Variants in MOCOS observed in about 807,000 individuals in gnomAD.
MOCOS encodes the protein molybdenum cofactor sulfurase.
MOCOS carries 86 observed loss-of-function variants against 83.6 expected under a neutral mutation model. The ratio of observed to expected loss-of-function variants is 1.03; its 90% confidence interval spans 0.86 to 1.23. The LOEUF is 1.23. MOCOS is among the 50% of genes most tolerant of loss of function. The pLI is 0.00. For missense variants in MOCOS, 1,120 were observed against 1,126.9 expected (o/e 0.99, Z 0.09); for synonymous variants, 445 against 434.7 (o/e 1.02, Z -0.29).
At chr18:36,227,661 A>G (rs2091522963) in intron 9 of MOCOS, among the ~76,000 whole-genome samples, 1 of 152,028 alleles carries the variant, frequency 6.6e-6, no homozygotes, top group Non-Finnish European at 1.5e-5. Context: ...CTCCCAAAGT[A>G]TGGGGATTAT....
intron 9 of MOCOS, among the ~76,000 whole-genome samples, chr18:36,223,371 G>A (rs1261283428): frequency 6.6e-6 from 1 of 152,106 alleles, no homozygotes; most frequent in Non-Finnish European, 1.5e-5. Context: ...GTGTTTTCTT[G>A]ACACCCTTTC....
rs777753776 is a variant in MOCOS, at chr18:36,260,155, A to G, written c.2389A>G (p.Ile797Val). 4 of 1,614,172 alleles carry G rather than the reference A, an allele frequency of 2.5e-6. No individual in the cohort carries two copies. Among genetic ancestry groups the G allele is most frequent in the Non-Finnish European group, 8.5e-7 (1 of 1,180,020 alleles). Residue 797 changes from isoleucine (I) to valine (V), a missense_variant, in exon 13 of 15, where the codon ATT becomes GTT. By Grantham distance (29) the Ile-to-Val change is conservative. Coordinates refer to ENST00000261326, the MANE Select transcript of MOCOS (RefSeq NM_017947.4). ...FEEEKWDEIS[I>V]GSLRFQVLGP... is the part of the protein sequence containing the mutation. Reference sequence around the variant, plus strand: ...AGAAGAGAAATGGGATGAGATTTCAATTGGCTCTTTGCGTTTCCAGGTAAG... The same window carrying G: ...AGAAGAGAAATGGGATGAGATTTCAGTTGGCTCTTTGCGTTTCCAGGTAAG...
intron 5 of MOCOS, among the ~76,000 whole-genome samples, chr18:36,204,464 A>T (rs1340588497): frequency 1.3e-5 from 2 of 152,230 alleles, no homozygotes; most frequent in African/African-American, 4.8e-5. Flanking sequence ...ATATGTTTAG[A>T]GGAAAAAACA....
In MOCOS at chr18:36,205,132, G is replaced by T. The variant is rs771690594; in HGVS notation, c.1074G>T (p.Val358=). The T allele has an allele frequency of 1.2e-6, 2 of 1,613,498 alleles. No individual in the cohort carries two copies. The highest frequency in any genetic ancestry group is 1.7e-6 in the Non-Finnish European group (2 of 1,179,740). The change falls in exon 6 of 15, where the codon GTG becomes GTT. Residue 358 remains valine, a synonymous_variant. Coordinates refer to ENST00000261326, the MANE Select transcript of MOCOS (RefSeq NM_017947.4). ...HTFTLAQYTY[V]ALSSLQYPNG... Reference sequence around the variant, plus strand: ...TCACCTTGGCTCAGTATACCTACGTGGCCCTGTCCTCTCTCCAGTACCCCA... The same window carrying T: ...TCACCTTGGCTCAGTATACCTACGTTGCCCTGTCCTCTCTCCAGTACCCCA...
In MOCOS at chr18:36,187,786, G is replaced by A. The variant is rs4267398; in HGVS notation, c.142+105G>A. On this transcript the variant is annotated intron_variant, in intron 1 of 14. Transcript: ENST00000261326. Reference sequence around the variant, plus strand: ...GCGCTACCTCATTCGGGCGCATTTTGAATCGAAACTCCAGGAGGGACGTGT... The same window carrying A: ...GCGCTACCTCATTCGGGCGCATTTTAAATCGAAACTCCAGGAGGGACGTGT... The A allele has an allele frequency of 0.32, 384,435 of 1,197,382 alleles. 62,985 individuals carry two copies. Among genetic ancestry groups the A allele is most frequent in the Non-Finnish European group, 0.34 (322,996 of 956,548 alleles). The allele number at this position is 1,197,382 out of a possible 1,614,324, so 74.2% of individuals were successfully genotyped here. A position where few individuals can be genotyped will look rare whatever the true frequency, so the allele number is the denominator to read the frequency against.
chr18:36,227,959 A>G (rs1369953287), intron 9 of MOCOS, among the ~76,000 whole-genome samples: 1 of 152,262 alleles, frequency 6.6e-6, no homozygotes, highest in African/African-American at 2.4e-5. Context: ...TCTAATATCC[A>G]GCATCTATAA....
chr18:36,224,217 A>T (rs952059526), intron 9 of MOCOS, among the ~76,000 whole-genome samples: 1 of 152,138 alleles, frequency 6.6e-6, no homozygotes, highest in Non-Finnish European at 1.5e-5. Flanking sequence ...AATATATAAG[A>T]TCATGTTTTT....
chr18:36,192,594 G>C lies in MOCOS; in HGVS notation c.143-2663G>C, dbSNP rs906880985. On this transcript the variant is annotated intron_variant, in intron 1 of 14. Coordinates refer to ENST00000261326, the MANE Select transcript of MOCOS (RefSeq NM_017947.4). ...GCTGCCTTTTTGCAGAAGTTGACAA[G>C]CTGATTCTAAAATTTATATAGAAAT... Among the ~76,000 whole-genome samples the C allele has an allele frequency of 2.0e-5, 3 of 152,144 alleles. 1 individual carries two copies. The South Asian group carries it at 6.2e-4, about 32-fold the overall frequency.
At chr18:36,208,725 A>G (rs2091443344) in intron 6 of MOCOS, among the ~76,000 whole-genome samples, 1 of 152,222 alleles carries the variant, frequency 6.6e-6, no homozygotes, top group Non-Finnish European at 1.5e-5. Flanking sequence ...GTATAGAATC[A>G]TGTTATCAGT....
intron 13 of MOCOS, among the ~76,000 whole-genome samples, chr18:36,262,276 C>CACACACACACACACACACACACAT (rs1555656486): frequency 4.0e-5 from 6 of 151,108 alleles, no homozygotes; most frequent in African/African-American, 1.2e-4. Flanking sequence ...CACACACACA[C>CACACACACACACACACACACACAT]GAAAAATTAG....
At chr18:36,263,033 T>C (rs2091669474) in intron 13 of MOCOS, among the ~76,000 whole-genome samples, 2 of 152,062 alleles carry the variant, frequency 1.3e-5, no homozygotes, top group Admixed American at 1.3e-4. Flanking sequence ...TGCTTGAGCC[T>C]GGGAAATGAA....
At chr18:36,204,486 A>G (rs1000067742) in intron 5 of MOCOS, among the ~76,000 whole-genome samples, 23 of 152,218 alleles carry the variant, frequency 1.5e-4, no homozygotes, top group African/African-American at 5.5e-4. Flanking sequence ...ACATTTTGTG[A>G]TCTGTTACCA....
Position 36,257,070 on chromosome 18 carries a change from C to G in MOCOS, c.2267C>G (p.Thr756Ser), listed in dbSNP as rs776786332. The G allele has an allele frequency of 7.4e-6, 12 of 1,611,494 alleles. No homozygotes were observed. Among genetic ancestry groups the G allele is most frequent in the Non-Finnish European group, 1.0e-5 (12 of 1,177,668 alleles). Reference protein sequence around the residue: ...SILELHRQLNTSDENGKEELF... With the variant: ...SILELHRQLNSSDENGKEELF... The stretch of plus-strand genomic sequence containing the variant: ...TTGGAACTTCACCGGCAACTAAACA[C>G]CAGGTAAGACCTCATACCTCGGGAC... Residue 756 changes from threonine (T) to serine (S), a missense_variant, in exon 12 of 15, where the codon ACC (threonine) becomes AGC (serine). By Grantham distance (58) the Thr-to-Ser change is moderately conservative. Coordinates refer to ENST00000261326, the MANE Select transcript of MOCOS (RefSeq NM_017947.4).
At chr18:36,227,057 T>A (rs2144928448) in intron 9 of MOCOS, among the ~76,000 whole-genome samples, 1 of 151,926 alleles carries the variant, frequency 6.6e-6, no homozygotes. Context: ...AGCAGACACA[T>A]GCCACCATGC....
Position 36,200,176 on chromosome 18 carries a change from A to G in MOCOS, c.793A>G (p.Ile265Val), listed in dbSNP as rs2091407064. The G allele has an allele frequency of 6.2e-7, 1 of 1,614,000 alleles. No individual in the cohort carries two copies. Among genetic ancestry groups the G allele is most frequent in the South Asian group, 1.1e-5 (1 of 91,082 alleles). Reference protein sequence around the residue: ...ADFVPISFYKIFGFPTGLGAL... With the variant: ...ADFVPISFYKVFGFPTGLGAL... ...CTTTGTCCCCATCTCCTTCTATAAG[A>G]TCTTCGGGTTTCCTACAGGCCTGGG... is the stretch of plus-strand genomic sequence containing the variant. The change falls in exon 4 of 15, where the codon ATC becomes GTC. Residue 265 changes from isoleucine to valine, a missense_variant. Coordinates refer to ENST00000261326, the MANE Select transcript of MOCOS (RefSeq NM_017947.4).
chr18:36,240,661 A>C (rs1598587585), intron 9 of MOCOS, among the ~76,000 whole-genome samples: 2 of 151,820 alleles, frequency 1.3e-5, no homozygotes, highest in Non-Finnish European at 2.9e-5. Flanking sequence ...GGTGGGCTCC[A>C]CCCAGTTCGA....
In MOCOS at chr18:36,270,952, C is replaced by G. The variant is rs1201698884; in HGVS notation, c.*2267C>G. ...GCCTCAGCCTCCCAAGTAGCTGGGA[C>G]TACAGGCACACATCACCACATCCAG... On this transcript the variant is annotated 3_prime_UTR_variant, in exon 15 of 15. Transcript: ENST00000261326. 2.0e-5 allele frequency: 3 copies of G among 150,522 alleles called. No individual in the cohort carries two copies. The highest frequency in any genetic ancestry group is 3.0e-5 in the Non-Finnish European group (2 of 67,772). The allele number at this position is 150,522 out of a possible 1,614,324, so 9.3% of individuals were successfully genotyped here.
intron 1 of MOCOS, among the ~76,000 whole-genome samples, chr18:36,188,191 ACTC>A (rs2091349880): frequency 6.6e-6 from 1 of 151,688 alleles, no homozygotes; most frequent in Non-Finnish European, 1.5e-5. Flanking sequence ...CGCTCTGCAG[ACTC>A]CTCTGGGATA....
In MOCOS at chr18:36,251,279, A is replaced by G. The variant is rs779408452; in HGVS notation, c.2160A>G (p.Gly720=). ...AAAGGAATGCAAAGAAGAAACATGG[A>G]AAAGGTATTACATTTTGAATTGGTT... ...NSQRNAKKKH[G]KDQLPGTMAT... The change falls in exon 11 of 15, where the codon GGA becomes GGG. Residue 720 remains glycine, a synonymous_variant. Transcript: ENST00000261326. 1 of 1,614,014 alleles carries G rather than the reference A, an allele frequency of 6.2e-7. No homozygotes were observed. Among genetic ancestry groups the G allele is most frequent in the Non-Finnish European group, 8.5e-7 (1 of 1,179,926 alleles).
Sources: gnomAD v4.1 joint callset for allele counts (sites outside exome capture counted in the v4.1 genomes callset) on GRCh38, gnomAD v4.1.1 for gene constraint, MANE v1.5 for transcripts, NCBI Gene and HGNC (gene_info 2026-07-23, HGNC 2026-07-21) for gene names.